Variants in ARFGAP1 observed in about 807,000 individuals in gnomAD.
ARFGAP1 encodes the protein ARF GTPase activating protein 1, also known as ADP-ribosylation factor GTPase-activating protein 1.
ARFGAP1 carries 26 observed loss-of-function variants against 54.0 expected under a neutral mutation model. That is an observed-to-expected ratio of 0.48 (90% CI 0.35 to 0.67). The LOEUF (loss-of-function observed/expected upper bound fraction) is 0.67. Among genes scored for constraint, ARFGAP1 ranks in the 30% least tolerant of loss-of-function variants. The probability of loss-of-function intolerance (pLI) is 0.00; values close to 1 mark genes in which losing one functional copy is unlikely to be tolerated. For synonymous variants in ARFGAP1, 248 were observed against 211.9 expected (o/e 1.17, Z -1.48); for missense variants, 525 against 535.8 (o/e 0.98, Z 0.20).
In ARFGAP1 at chr20:63,283,158, G is replaced by A. The variant is rs578109903; in HGVS notation, c.717+307G>A. 5 of 467,938 alleles carry A rather than the reference G, an allele frequency of 1.1e-5. No individual in the cohort carries two copies. The South Asian group carries it at 1.3e-4, about 12-fold the overall frequency. 29.0% of individuals were successfully genotyped at this position (467,938 alleles called of 1,614,324 possible). A position where few individuals can be genotyped will look rare whatever the true frequency, so the allele number is the denominator to read the frequency against. ...GCAGGACTGCCCGGCTTGGCAGATG[G>A]CCCACGCTGGCGGTGGCCGCTCAGC... is the stretch of plus-strand genomic sequence containing the variant. On this transcript the variant is annotated intron_variant, in intron 9 of 12. Transcript: ENST00000370283.
intron 6 of ARFGAP1, 57 bp downstream of exon 6, chr20:63,278,260 T>G (rs1490019598): frequency 6.3e-7 from 1 of 1,576,894 alleles, no homozygotes; most frequent in African/African-American, 1.3e-5. Flanking sequence ...GGGTTCAGTC[T>G]GGTGGGTAGG....
Position 63,283,880 on chromosome 20 carries a change from G to A in ARFGAP1, c.718-986G>A, listed in dbSNP as rs750040678. On this transcript the variant is annotated intron_variant, in intron 9 of 12. Transcript: ENST00000370283. The stretch of plus-strand genomic sequence containing the variant: ...GGGGTCACAAGCAGCAGCCGGAGCC[G>A]GTAAAGCCCGTGTCTGCTCGTGCAT... 16 of 1,613,546 alleles carry A rather than the reference G, an allele frequency of 9.9e-6. No homozygotes were observed. The Admixed American group carries it at 1.0e-4, about 10-fold the overall frequency.
chr20:63,282,039 C>T (rs1048523460), intron 8 of ARFGAP1, among the ~76,000 whole-genome samples: 4 of 151,636 alleles, frequency 2.6e-5, no homozygotes, highest in African/African-American at 4.8e-5. Context: ...TGTCTTCCCC[C>T]GTCACAGCGC....
intron 7 of ARFGAP1, among the ~76,000 whole-genome samples, chr20:63,280,117 G>C (rs368208670): frequency 6.6e-5 from 10 of 152,246 alleles, no homozygotes; most frequent in African/African-American, 2.4e-4. Context: ...ACTCCGACCT[G>C]GGCGACAGAG....
rs201648925 is a variant in ARFGAP1, at chr20:63,287,703, T to C, written c.1051T>C (p.Cys351Arg). The change falls in exon 13 of 13, where the codon TGC becomes CGC. Residue 351 changes from cysteine to arginine, a missense_variant. Cys to Arg is a radical substitution (Grantham distance 180, BLOSUM62 -3). Around this residue, in one of 3 missense-constraint regions of ARFGAP1, gnomAD observed 466 missense variants for 453.6 expected, o/e 1.03. Transcript: ENST00000370283. ...RKSPSSDSWTCADTSTERRSS... is the reference protein window; with the variant it reads ...RKSPSSDSWTRADTSTERRSS... The stretch of plus-strand genomic sequence containing the variant: ...GTCCCCGAGCAGCGACAGCTGGACG[T>C]GCGCGGACACCTCCACCGAGAGGAG... The C allele has an allele frequency of 6.2e-7, 1 of 1,608,196 alleles. No homozygotes were observed. The highest frequency in any genetic ancestry group is 8.5e-7 in the Non-Finnish European group (1 of 1,178,574).
At chr20:63,284,180 G>A (rs748836893) in intron 9 of ARFGAP1, 2 of 1,310,776 alleles carry the variant, frequency 1.5e-6, no homozygotes, top group Non-Finnish European at 1.9e-6. Context: ...GGGAGGTGCT[G>A]GAGGGAGGGC....
At chr20:63,284,498 G>GGA in intron 9 of ARFGAP1, 5 of 1,126,486 alleles carry the variant, frequency 4.4e-6, no homozygotes, top group Non-Finnish European at 5.5e-6. Context: ...TGGGGAGGAA[G>GGA]GAGAGGCGTT....
intron 9 of ARFGAP1, 147 bp downstream of exon 9, chr20:63,282,998 G>A (rs759785564): frequency 2.0e-5 from 17 of 869,250 alleles, no homozygotes; most frequent in Non-Finnish European, 2.8e-5. Context: ...GGGTGTTCCT[G>A]CCATGCTGTT....
intron 11 of ARFGAP1, chr20:63,286,144 T>A: frequency 1.3e-6 from 2 of 1,550,242 alleles, no homozygotes; most frequent in Non-Finnish European, 1.7e-6. Flanking sequence ...TTGAGGTCTG[T>A]GCACGAGGCT....
rs931397489 is a variant in ARFGAP1 at position 63,281,306 on chromosome 20, A to G, written c.643A>G (p.Thr215Ala). 3.1e-6 allele frequency: 5 copies of G among 1,601,972 alleles called. No individual in the cohort carries two copies. The highest frequency in any genetic ancestry group is 4.2e-6 in the Non-Finnish European group (5 of 1,177,458). Residue 215 changes from threonine (T) to alanine (A), a missense_variant, in exon 8 of 13, where the codon ACC becomes GCC. By Grantham distance (58) the Thr-to-Ala change is moderately conservative (BLOSUM62 0). Coordinates refer to ENST00000370283, the MANE Select transcript of ARFGAP1 (RefSeq NM_018209.4). ...SSLYSGWSSF[T>A]TGASRFASAA... The stretch of plus-strand genomic sequence containing the variant: ...CCTCCCTCAGGGCTGGAGCAGCTTC[A>G]CCACTGGAGCCAGCCGGTTTGCCTC...
Position 63,278,938 on chromosome 20 carries a change from A to G in ARFGAP1, c.570A>G (p.Pro190=). ...GNRYVGFGNT[P]PPQKKEDDFL... ...GCTACGTGGGGTTTGGGAACACGCCACCGCCTCAGAAGAAAGAAGATGACT... is the reference window on the plus strand; with the variant it reads ...GCTACGTGGGGTTTGGGAACACGCCGCCGCCTCAGAAGAAAGAAGATGACT... Residue 190 remains proline, a synonymous_variant, in exon 7 of 13, where the codon CCA becomes CCG. Transcript: ENST00000370283. 1 of 1,614,106 alleles carries G rather than the reference A, an allele frequency of 6.2e-7. No homozygotes were observed. The highest frequency in any genetic ancestry group is 8.5e-7 in the Non-Finnish European group (1 of 1,180,026).
chr20:63,285,945 T>C (rs747998128), intron 11 of ARFGAP1: 4 of 1,496,718 alleles, frequency 2.7e-6, no homozygotes, highest in East Asian at 2.5e-5. Flanking sequence ...TCTGCTCTTA[T>C]CTTGCTGCTG....
chr20:63,277,103 G>A (rs1046026452), intron 4 of ARFGAP1, 102 bp from the exon 5 acceptor site: 1 of 961,112 alleles, frequency 1.0e-6, no homozygotes, highest in Middle Eastern at 2.4e-4. Context: ...TGCGGGTGGT[G>A]GGTGCTCCAG....
intron 11 of ARFGAP1, chr20:63,285,932 C>T (rs1315987167): frequency 1.0e-5 from 15 of 1,485,214 alleles, no homozygotes; most frequent in African/African-American, 2.8e-5. Flanking sequence ...TGTCACTTCT[C>T]CCTCTGCTCT....
chr20:63,273,907 C>G (rs2067165950), intron 1 of ARFGAP1: 1 of 152,262 alleles, frequency 6.6e-6, no homozygotes, highest in Non-Finnish European at 1.5e-5. Flanking sequence ...GCTGCTGTGA[C>G]AAGAATGTGT....
Position 63,288,032 on chromosome 20 carries a change from G to A in ARFGAP1, c.*159G>A, listed in dbSNP as rs958046922. The A allele has an allele frequency of 4.4e-5, 39 of 884,116 alleles. No homozygotes were observed. The East Asian group carries it at 4.5e-4, about 10-fold the overall frequency. The allele number at this position is 884,116 out of a possible 1,614,324, so 54.8% of individuals were successfully genotyped here. A position where few individuals can be genotyped will look rare whatever the true frequency, so the allele number is the denominator to read the frequency against. On this transcript the variant is annotated 3_prime_UTR_variant, in exon 13 of 13. Transcript: ENST00000370283. ...CCCTAGGGAGACCCGGGTGTGCGCCGCCTGCGCGTGGGGAGTCTTCGGTGC... is the reference window on the plus strand; with the variant it reads ...CCCTAGGGAGACCCGGGTGTGCGCCACCTGCGCGTGGGGAGTCTTCGGTGC...
At chr20:63,280,913 T>G (rs902962920) in intron 7 of ARFGAP1, among the ~76,000 whole-genome samples, 25 of 152,356 alleles carry the variant, frequency 1.6e-4, no homozygotes, top group African/African-American at 5.5e-4. Flanking sequence ...GAGAGCAGGT[T>G]ACGCTGGTCG....
In ARFGAP1 at chr20:63,276,503, A is replaced by T; in HGVS notation, c.194A>T (p.Asp65Val). ...HLSFVRSVTM[D>V]KWKDIELEKM... The stretch of plus-strand genomic sequence containing the variant: ...AGCTTTGTGCGCTCTGTTACTATGG[A>T]CAAGTGGAAGGACATTGAGCTTGAG... Residue 65 changes from aspartate (D) to valine (V), a missense_variant, in exon 4 of 13, where the codon GAC becomes GTC. Asp to Val is a radical substitution (Grantham distance 152, BLOSUM62 -3). Transcript: ENST00000370283. The surrounding 1 kb of genome is among the most constrained non-coding windows in gnomAD (Gnocchi z 5.2). The T allele has an allele frequency of 6.2e-7, 1 of 1,613,386 alleles. No homozygotes were observed. Among genetic ancestry groups the T allele is most frequent in the Non-Finnish European group, 8.5e-7 (1 of 1,179,676 alleles).
Position 63,278,903 on chromosome 20 carries a change from CA to C in ARFGAP1, c.536del (p.Gln179ArgfsTer69). Reference sequence around the variant, plus strand: ...TCTTGTCCGCTTTGTTTTCAGGGCCCAGGGGAATCGCTACGTGGGGTTTGGG... The same window carrying C: ...TCTTGTCCGCTTTGTTTTCAGGGCCCGGGGAATCGCTACGTGGGGTTTGGG... ...NDDLGSYQGAQGNRYVGFGNT... is the reference protein window; with the variant it reads ...NDDLGSYQGAXGNRYVGFGNT... On this transcript the variant is annotated frameshift_variant, in exon 7 of 13. Transcript: ENST00000370283. LOFTEE classifies it high-confidence loss of function. 1 of 1,614,138 alleles carries C rather than the reference CA, an allele frequency of 6.2e-7. No homozygotes were observed. Among genetic ancestry groups the C allele is most frequent in the Non-Finnish European group, 8.5e-7 (1 of 1,180,006 alleles).
Sources: gnomAD v4.1 joint callset for allele counts (sites outside exome capture counted in the v4.1 genomes callset) on GRCh38, gnomAD v4.1.1 for gene constraint, gnomAD v4.1.1 regional missense constraint, Gnocchi (gnomAD v3.1) non-coding constraint, MANE v1.5 for transcripts, NCBI Gene and HGNC (gene_info 2026-07-23, HGNC 2026-07-21) for gene names.